TTC32: variants seen among roughly 807,000 people sequenced by gnomAD.
The protein encoded by TTC32 is tetratricopeptide repeat domain 32.
In TTC32, 16 loss-of-function variants were observed where a neutral mutation model predicts 15.3. The ratio of observed to expected loss-of-function variants is 1.05; its 90% CI spans 0.71 to 1.59. The LOEUF is 1.59. Among genes scored for constraint, TTC32 ranks in the 40% most tolerant of loss-of-function variants. The pLI is 0.00. For synonymous variants in TTC32, 89 were observed against 67.8 expected (o/e 1.31, Z -1.53); for missense variants, 188 against 181.9 (o/e 1.03, Z -0.19).
intron 1 of TTC32, chr2:19,901,029 C>G: frequency 2.1e-6 from 1 of 468,336 alleles, no homozygotes; most frequent in South Asian, 1.6e-5. Flanking sequence ...GAACAAAACA[C>G]CTTATTAGTC....
In TTC32 at chr2:19,897,006, T is replaced by C. The variant is rs147116933; in HGVS notation, c.437A>G (p.Asn146Ser). ...AAAATATCAATAATTTTTTGCAACATTTCTTCTTTGTTTTTCTTCTTTGTC... is the reference window on the plus strand; with the variant it reads ...AAAATATCAATAATTTTTTGCAACACTTCTTCTTTGTTTTTCTTCTTTGTC... ...ILDKEEKQRR[N>S]VAKNY The change falls in exon 3 of 3, where the codon AAT becomes AGT. Residue 146 changes from asparagine to serine, a missense_variant. Asn to Ser is a conservative substitution (Grantham distance 46, BLOSUM62 1). Transcript: ENST00000333610. 74 of 1,585,314 alleles carry C rather than the reference T, an allele frequency of 4.7e-5. No individual in the cohort carries two copies. The highest frequency in any genetic ancestry group is 6.0e-5 in the Non-Finnish European group (70 of 1,167,880).
In TTC32 at chr2:19,901,884, A is replaced by T. The variant is rs1419775494; in HGVS notation, c.-30T>A. 2 of 1,612,888 alleles carry T rather than the reference A, an allele frequency of 1.2e-6. No individual in the cohort carries two copies. Among genetic ancestry groups the T allele is most frequent in the Admixed American group, 3.3e-5 (2 of 59,926 alleles). On this transcript the variant is annotated 5_prime_UTR_variant, in exon 1 of 3. Transcript: ENST00000333610. ...GCCAAGGCCTAGTTTTCGGTGTAGA[A>T]TGGGGGTTGACCTCCGAGCGGTTAG...
intron 1 of TTC32, chr2:19,898,529 A>C (rs911045183): frequency 6.6e-6 from 1 of 152,290 alleles, no homozygotes; most frequent in East Asian, 1.9e-4. Context: ...AGTTAACGCT[A>C]AGTGAAAATT....
chr2:19,901,646 A>C, intron 1 of TTC32, 60 bp downstream of exon 1: 4 of 1,569,850 alleles, frequency 2.5e-6, no homozygotes, highest in Non-Finnish European at 3.5e-6. Flanking sequence ...TAGGAGCCCA[A>C]ACAACCCCAA....
rs1186768490 is a variant in TTC32, at chr2:19,897,850, A to C, written c.316+19T>G. 6.8e-7 allele frequency: 1 copy of C among 1,474,104 alleles called. No individual in the cohort carries two copies. Among genetic ancestry groups the C allele is most frequent in the East Asian group, 2.4e-5 (1 of 41,914 alleles). The allele number at this position is 1,474,104 out of a possible 1,614,324, so 91.3% of individuals were successfully genotyped here. On this transcript the variant is annotated intron_variant, in intron 2 of 2. Coordinates refer to ENST00000333610, the MANE Select transcript of TTC32 (RefSeq NM_001008237.3). ...GAATACAGTCAATGACAAAACTCAAAAAGAAAAAAAATTCTTACCCAGCCT... is the reference window on the plus strand; with the variant it reads ...GAATACAGTCAATGACAAAACTCAACAAGAAAAAAAATTCTTACCCAGCCT...
rs369715722 is a variant in TTC32 at position 19,897,972 on chromosome 2, C to A, written c.213G>T (p.Arg71Ser). 14 of 1,610,188 alleles carry A rather than the reference C, an allele frequency of 8.7e-6. No homozygotes were observed. Among genetic ancestry groups the A allele is most frequent in the South Asian group, 1.1e-5 (1 of 90,736 alleles). Reference protein sequence around the residue: ...YNNRGQIKYFRVDFYEAMDDY... With the variant: ...YNNRGQIKYFSVDFYEAMDDY... The stretch of plus-strand genomic sequence containing the variant: ...CATCCATGGCTTCATAAAAATCAAC[C>A]CTGAAGTACTTGATTTGCCCCCTGT... Residue 71 changes from arginine (R) to serine (S), a missense_variant, in exon 2 of 3, where the codon AGG (arginine) becomes AGT (serine). Physicochemically the swap from Arg to Ser is moderately radical, Grantham distance 110 (BLOSUM62 -1). Coordinates refer to ENST00000333610, the MANE Select transcript of TTC32 (RefSeq NM_001008237.3).
At chr2:19,898,892 CAG>C (rs2103366963) in intron 1 of TTC32, among the ~76,000 whole-genome samples, 1 of 152,360 alleles carries the variant, frequency 6.6e-6, no homozygotes, top group South Asian at 2.1e-4. Flanking sequence ...TGCTCTGAGT[CAG>C]GGATGATTCT....
chr2:19,901,374 G>C, intron 1 of TTC32: 1 of 333,900 alleles, frequency 3.0e-6, no homozygotes, highest in South Asian at 2.8e-5. Flanking sequence ...TAAGTCTCTG[G>C]GTGCGAATGA....
chr2:19,897,144 A>G lies in TTC32; in HGVS notation c.317-18T>C, dbSNP rs758179515. 7 of 1,576,872 alleles carry G rather than the reference A, an allele frequency of 4.4e-6. No individual in the cohort carries two copies. Among genetic ancestry groups the G allele is most frequent in the Non-Finnish European group, 6.0e-6 (7 of 1,170,028 alleles). ...AAAATATCCTGTACCAGAACCCAAA[A>G]AATGGAAAAGAGAAAAGAAACCGAG... On this transcript the variant is annotated intron_variant, in intron 2 of 2. Coordinates refer to ENST00000333610, the MANE Select transcript of TTC32 (RefSeq NM_001008237.3).
Position 19,897,156 on chromosome 2 carries a change from G to C in TTC32, c.317-30C>G, listed in dbSNP as rs754819685. On this transcript the variant is annotated intron_variant, in intron 2 of 2. Coordinates refer to ENST00000333610, the MANE Select transcript of TTC32 (RefSeq NM_001008237.3). ...ACCAGAACCCAAAAAATGGAAAAGA[G>C]AAAAGAAACCGAGTATTTCTATATA... 3.1e-5 allele frequency: 49 copies of C among 1,563,298 alleles called. 1 individual carries two copies. The South Asian group carries it at 5.8e-4, about 19-fold the overall frequency.
In TTC32 at chr2:19,901,884, A is replaced by G. The variant is rs1419775494; in HGVS notation, c.-30T>C. ...GCCAAGGCCTAGTTTTCGGTGTAGA[A>G]TGGGGGTTGACCTCCGAGCGGTTAG... On this transcript the variant is annotated 5_prime_UTR_variant, in exon 1 of 3. Transcript: ENST00000333610. 1 of 1,612,888 alleles carries G rather than the reference A, an allele frequency of 6.2e-7. No individual in the cohort carries two copies. The highest frequency in any genetic ancestry group is 2.2e-5 in the East Asian group (1 of 44,838).
chr2:19,899,328 T>G (rs1401440054), intron 1 of TTC32, among the ~76,000 whole-genome samples: 1 of 152,190 alleles, frequency 6.6e-6, no homozygotes, highest in African/African-American at 2.4e-5. Flanking sequence ...CTGCTCCCAG[T>G]AGAGAGTTTA....
In TTC32 at chr2:19,897,962, A is replaced by T; in HGVS notation, c.223T>A (p.Tyr75Asn). Residue 75 changes from tyrosine to asparagine, a missense_variant, in exon 2 of 3, where the codon TAT (tyrosine) becomes AAT (asparagine). Transcript: ENST00000333610. ...GATGTGTAGTCATCCATGGCTTCAT[A>T]AAAATCAACCCTGAAGTACTTGATT... The part of the protein sequence containing the change: ...GQIKYFRVDF[Y>N]EAMDDYTSAI... The T allele has an allele frequency of 6.2e-7, 1 of 1,612,608 alleles. No individual in the cohort carries two copies. Among genetic ancestry groups the T allele is most frequent in the Middle Eastern group, 1.7e-4 (1 of 6,052 alleles).
chr2:19,898,872 T>C (rs1467779550), intron 1 of TTC32, among the ~76,000 whole-genome samples: 5 of 152,236 alleles, frequency 3.3e-5, no homozygotes, highest in Non-Finnish European at 7.3e-5. Context: ...ACAGAGAACA[T>C]TAGTGCCTCT....
chr2:19,901,511 C>G (rs1669603135), intron 1 of TTC32, 195 bp downstream of exon 1: 1 of 673,200 alleles, frequency 1.5e-6, no homozygotes, highest in Non-Finnish European at 2.3e-6. Flanking sequence ...GTGGGCTTCT[C>G]CCCGCGTTCT....
chr2:19,900,954 G>A (rs1054990257), intron 1 of TTC32: 4 of 371,074 alleles, frequency 1.1e-5, no homozygotes, highest in African/African-American at 4.3e-5. Flanking sequence ...GGGGAAGGTG[G>A]AGAAGAGACT....
In TTC32 at chr2:19,897,051, C is replaced by T. The variant is rs1400114741; in HGVS notation, c.392G>A (p.Ser131Asn). ...TTTGTCTAGAATAGTCTGTTTTAAG[C>T]TCAAAGTAGCATCTTGAAATCCAGG... ...LNPGFQDATL[S>N]LKQTILDKEE... Residue 131 changes from serine to asparagine, a missense_variant, in exon 3 of 3, where the codon AGC (serine) becomes AAC (asparagine). Transcript: ENST00000333610. 5 of 1,607,748 alleles carry T rather than the reference C, an allele frequency of 3.1e-6. No individual in the cohort carries two copies. The highest frequency in any genetic ancestry group is 4.2e-6 in the Non-Finnish European group (5 of 1,177,434).
At chr2:19,898,729 G>C (rs1444842163) in intron 1 of TTC32, among the ~76,000 whole-genome samples, 1 of 152,192 alleles carries the variant, frequency 6.6e-6, no homozygotes, top group Non-Finnish European at 1.5e-5. Context: ...GGGAACTAGA[G>C]GTTGCCCAAA....
At chr2:19,899,714 TTATA>T (rs1237236765) in intron 1 of TTC32, among the ~76,000 whole-genome samples, 1 of 150,574 alleles carries the variant, frequency 6.6e-6, no homozygotes, top group Non-Finnish European at 1.5e-5. Flanking sequence ...TATATATTTT[TTATA>T]TATAAAGTGT....
Sources: gnomAD v4.1 joint callset for allele counts (sites outside exome capture counted in the v4.1 genomes callset) on GRCh38, gnomAD v4.1.1 for gene constraint, MANE v1.5 for transcripts, NCBI Gene and HGNC (gene_info 2026-07-23, HGNC 2026-07-21) for gene names.